CDH18: variants seen among roughly 807,000 people sequenced by gnomAD.
CDH18 encodes the protein cadherin-18.
In CDH18, 31 loss-of-function variants were observed where a neutral mutation model predicts 67.9. That is an observed-to-expected ratio of 0.46 (90% CI 0.34 to 0.62). The LOEUF is 0.62. Among genes scored for constraint, CDH18 ranks in the 20% least tolerant of loss-of-function variants. The pLI is 0.01. For missense variants in CDH18, 890 were observed against 975.5 expected (o/e 0.91, Z 1.17); for synonymous variants, 362 against 347.2 (o/e 1.04, Z -0.48).
intron 1 of CDH18, among the ~76,000 whole-genome samples, chr5:20,370,372 G>A (rs957080501): frequency 1.3e-5 from 2 of 148,532 alleles, no homozygotes; most frequent in Non-Finnish European, 2.9e-5. Flanking sequence ...TTATATGCTA[G>A]AGTTATTCTA....
chr5:19,593,634 T>C (rs1745557885), intron 6 of CDH18, among the ~76,000 whole-genome samples: 1 of 126,206 alleles, frequency 7.9e-6, no homozygotes, highest in African/African-American at 3.1e-5. Flanking sequence ...TCCTCCTCCT[T>C]CTCCTCCTTC....
At chr5:20,105,448 G>A (rs1192335515) in intron 2 of CDH18, among the ~76,000 whole-genome samples, 1 of 152,186 alleles carries the variant, frequency 6.6e-6, no homozygotes. Context: ...ATTTGTAAGT[G>A]TAAAATTTCC....
In CDH18 at chr5:19,579,537, TTAAAA is replaced by T. The variant is rs1045793298; in HGVS notation, c.1000-7710_1000-7706del. ...GTTATCACCATACAATAAACAGCAATTAAAATAAAATAGACTGTTTCCATCTTCTC... is the reference window on the plus strand; with the variant it reads ...GTTATCACCATACAATAAACAGCAATTAAAATAGACTGTTTCCATCTTCTC... On this transcript the variant is annotated intron_variant, in intron 7 of 12. Transcript: ENST00000382275. Among the ~76,000 whole-genome samples, 95 of 151,846 alleles carry T rather than the reference TTAAAA, an allele frequency of 6.3e-4. 1 individual carries two copies. Among genetic ancestry groups the T allele is most frequent in the South Asian group, 2.1e-4 (1 of 4,826 alleles).
chr5:19,509,043 AT>A lies in CDH18; in HGVS notation c.1513-5935del, dbSNP rs530193856. On this transcript the variant is annotated intron_variant, in intron 10 of 12. Transcript: ENST00000382275. ...GTAAGCCACCATGCCTAATTTTTGTATTTTTGGTAGAAATGGGTTTTTGCTA... is the reference window on the plus strand; with the variant it reads ...GTAAGCCACCATGCCTAATTTTTGTATTTTGGTAGAAATGGGTTTTTGCTA... Among the ~76,000 whole-genome samples, 381 of 151,592 alleles carry A rather than the reference AT, an allele frequency of 2.5e-3. 3 individuals carry two copies. The highest frequency in any genetic ancestry group is 8.8e-3 in the African/African-American group (364 of 41,374).
At chr5:20,132,607 C>T (rs1749362880) in intron 2 of CDH18, among the ~76,000 whole-genome samples, 2 of 152,028 alleles carry the variant, frequency 1.3e-5, no homozygotes, top group Non-Finnish European at 2.9e-5. Flanking sequence ...TCCATTCTGT[C>T]TCCTCTCCTG....
At chr5:20,506,132 AG>A (rs143681003) in intron 1 of CDH18, among the ~76,000 whole-genome samples, 36 of 152,354 alleles carry the variant, frequency 2.4e-4, no homozygotes, top group African/African-American at 8.7e-4. Flanking sequence ...GAGATTGTTG[AG>A]ATGCTGGGAT....
chr5:19,783,040 T>C (rs1358152542), intron 3 of CDH18, among the ~76,000 whole-genome samples: 3 of 152,198 alleles, frequency 2.0e-5, no homozygotes, highest in Non-Finnish European at 2.9e-5. Context: ...TGACATCTGT[T>C]TCACAGATGT....
At chr5:20,219,189 G>A (rs1387377833) in intron 2 of CDH18, among the ~76,000 whole-genome samples, 1 of 151,516 alleles carries the variant, frequency 6.6e-6, no homozygotes, top group African/African-American at 2.4e-5. Context: ...GAAATTCAAG[G>A]GATCATTAGC....
At chr5:19,712,081 C>T (rs181830322) in intron 5 of CDH18, among the ~76,000 whole-genome samples, 153 of 152,062 alleles carry the variant, frequency 1.0e-3, no homozygotes, top group Non-Finnish European at 1.8e-3. Flanking sequence ...TACATATTTT[C>T]TCTTATAAGT....
chr5:19,748,128 A>AAAAAAAAAAAAAAAAAAAAAAAAAAT (rs1561215714), intron 3 of CDH18, among the ~76,000 whole-genome samples: 1 of 144,730 alleles, frequency 6.9e-6, no homozygotes, highest in African/African-American at 2.5e-5. Context: ...AAAAAAAAAA[A>AAAAAAAAAAAAAAAAAAAAAAAAAAT]AAAAAGAGTA....
At chr5:20,279,854 C>T (rs1223092297) in intron 1 of CDH18, among the ~76,000 whole-genome samples, 1 of 151,958 alleles carries the variant, frequency 6.6e-6, no homozygotes, top group Non-Finnish European at 1.5e-5. Context: ...TTAGTCTGCA[C>T]TATAGACTAA....
At chr5:19,517,210 A>C (rs1198165554) in intron 10 of CDH18, among the ~76,000 whole-genome samples, 2 of 152,160 alleles carry the variant, frequency 1.3e-5, no homozygotes, top group Non-Finnish European at 2.9e-5. Flanking sequence ...TAATGTGAAT[A>C]GAAATAATTT....
intron 2 of CDH18, among the ~76,000 whole-genome samples, chr5:20,099,416 A>G (rs942112549): frequency 6.6e-6 from 1 of 152,224 alleles, no homozygotes; most frequent in Non-Finnish European, 1.5e-5. Flanking sequence ...GATACAACTC[A>G]AAATAAAGAT....
intron 7 of CDH18, among the ~76,000 whole-genome samples, chr5:19,579,319 G>C (rs553241070): frequency 3.3e-5 from 5 of 151,818 alleles, no homozygotes; most frequent in African/African-American, 1.2e-4. Context: ...TTCTTTTTAT[G>C]ATTTCAGTTT....
chr5:19,517,938 C>G (rs1039100632), intron 10 of CDH18, among the ~76,000 whole-genome samples: 2 of 151,638 alleles, frequency 1.3e-5, no homozygotes, highest in African/African-American at 4.8e-5. Context: ...CTGTTATTAC[C>G]AGTAATTGAG....
intron 10 of CDH18, among the ~76,000 whole-genome samples, chr5:19,506,660 A>T (rs529512181): frequency 1.8e-4 from 28 of 152,272 alleles, no homozygotes; most frequent in African/African-American, 6.7e-4. Flanking sequence ...GGGGAAAGGA[A>T]TCCCTGTTTA....
chr5:19,931,781 T>TTA (rs1448493413), intron 2 of CDH18, among the ~76,000 whole-genome samples: 1 of 151,918 alleles, frequency 6.6e-6, no homozygotes, highest in East Asian at 1.9e-4. Flanking sequence ...CCCAAGTCCT[T>TTA]TATATATCTC....
chr5:20,446,223 C>T (rs1749990361), intron 1 of CDH18, among the ~76,000 whole-genome samples: 2 of 152,272 alleles, frequency 1.3e-5, no homozygotes, highest in South Asian at 4.1e-4. Context: ...CCTAGTTTCT[C>T]CTTCTACAGA....
At chr5:19,934,667 T>C (rs1451778923) in intron 2 of CDH18, among the ~76,000 whole-genome samples, 1 of 151,534 alleles carries the variant, frequency 6.6e-6, no homozygotes, top group Admixed American at 6.6e-5. Context: ...TTGGCTTTGA[T>C]GTAAAGATAC....
Sources: gnomAD v4.1 joint callset for allele counts (sites outside exome capture counted in the v4.1 genomes callset) on GRCh38, gnomAD v4.1.1 for gene constraint, MANE v1.5 for transcripts, NCBI Gene and HGNC (gene_info 2026-07-23, HGNC 2026-07-21) for gene names.